Variants in FRYL observed in about 807,000 individuals in gnomAD.
FRYL encodes protein furry homolog-like.
In FRYL, 150 loss-of-function variants were observed where a neutral mutation model predicts 351.2. The ratio of observed to expected loss-of-function variants is 0.43; its 90% CI spans 0.37 to 0.49. FRYL has a LOEUF of 0.49. Among genes scored for constraint, FRYL ranks in the 20% least tolerant of loss-of-function variants. The pLI, the probability that FRYL is intolerant of heterozygous loss-of-function variation, is 0.00. For synonymous variants in FRYL, 1,153 were observed against 1,257.1 expected (o/e 0.92, Z 1.75); for missense variants, 3,036 against 3,619.3 (o/e 0.84, Z 4.13).
At chr4:48,778,838 C>G (rs1337611500) in intron 1 of FRYL, among the ~76,000 whole-genome samples, 6 of 151,982 alleles carry the variant, frequency 3.9e-5, no homozygotes, top group Non-Finnish European at 7.4e-5. Context: ...TTTTCCCCCC[C>G]AATCCGACAG....
intron 1 of FRYL, among the ~76,000 whole-genome samples, chr4:48,716,481 T>G (rs964913431): frequency 6.6e-6 from 1 of 151,566 alleles, no homozygotes; most frequent in Non-Finnish European, 1.5e-5. Context: ...GAACAGACAC[T>G]TCTCAAAAGA....
chr4:48,754,250 T>G (rs1352189316), intron 1 of FRYL, among the ~76,000 whole-genome samples: 4 of 152,228 alleles, frequency 2.6e-5, no homozygotes, highest in Non-Finnish European at 1.5e-5. Context: ...TGTGGATACT[T>G]CATATCAATG....
At chr4:48,594,819 G>A (rs1283223587) in intron 15 of FRYL, among the ~76,000 whole-genome samples, 3 of 152,146 alleles carry the variant, frequency 2.0e-5, no homozygotes, top group African/African-American at 7.2e-5. Context: ...CTCCAAGATG[G>A]ATGTCCCAAA....
chr4:48,659,313 G>A (rs1421857156), intron 3 of FRYL, among the ~76,000 whole-genome samples: 3 of 148,812 alleles, frequency 2.0e-5, no homozygotes, highest in Non-Finnish European at 4.4e-5. Context: ...ATCGCATCAC[G>A]GCACTCCAGT....
chr4:48,548,849 G>C, intron 39 of FRYL, 56 bp from the exon 40 acceptor site: 2 of 995,418 alleles, frequency 2.0e-6, no homozygotes, highest in Non-Finnish European at 3.0e-6. Flanking sequence ...AACCTAGAGA[G>C]AATTTGGTAC....
chr4:48,729,312 G>A (rs192726798), intron 1 of FRYL, among the ~76,000 whole-genome samples: 6 of 152,350 alleles, frequency 3.9e-5, no homozygotes, highest in East Asian at 1.9e-4. Flanking sequence ...GACAGGCCAC[G>A]TCTGAATAAA....
chr4:48,512,334 C>G, intron 57 of FRYL, 147 bp downstream of exon 57: 1 of 603,120 alleles, frequency 1.7e-6, no homozygotes, highest in Non-Finnish European at 3.0e-6. Flanking sequence ...GTCACAGTGT[C>G]AATGTAAGTA....
Position 48,670,433 on chromosome 4 carries a change from G to A in FRYL, c.-81+14240C>T, listed in dbSNP as rs1334112841. The stretch of plus-strand genomic sequence containing the variant: ...GGGTGACAGAGTGAGACTCCATCTC[G>A]AAATATATATATACATATACATATA... On this transcript the variant is annotated intron_variant, in intron 3 of 63. Coordinates refer to ENST00000358350, the MANE Select transcript of FRYL (RefSeq NM_015030.2). 4.0e-5 allele frequency among the ~76,000 whole-genome samples: 6 copies of A among 150,142 alleles called. No individual in the cohort carries two copies. The South Asian group carries it at 6.3e-4, about 16-fold the overall frequency.
intron 1 of FRYL, among the ~76,000 whole-genome samples, chr4:48,711,957 G>A (rs1029313196): frequency 3.9e-5 from 6 of 152,210 alleles, no homozygotes; most frequent in Non-Finnish European, 2.9e-5. Flanking sequence ...CAGGCAAACA[G>A]GGTCTGGAGT....
At chr4:48,629,129 T>C (rs1448855713) in intron 4 of FRYL, among the ~76,000 whole-genome samples, 2 of 151,804 alleles carry the variant, frequency 1.3e-5, no homozygotes, top group African/African-American at 4.8e-5. Context: ...CTATATTTTA[T>C]AATTTAATTC....
rs748505281 is a variant in FRYL, at chr4:48,570,913, C to A, written c.2910G>T (p.Met970Ile). ...AAATGTCTCGACGCCTGCGCCGTTT[C>A]ATATTCTATTCCAAAGATACAAACA... The part of the protein sequence containing the change: ...KEALERRPEN[M>I]KRRRRRDILR... Residue 970 changes from methionine (M) to isoleucine (I), a missense_variant, in exon 27 of 64, where the codon ATG (methionine) becomes ATT (isoleucine). Physicochemically the swap from Met to Ile is conservative, Grantham distance 10. This residue lies in a region of FRYL where 492 missense variants were observed against 551.5 expected (regional missense o/e 0.89). Transcript: ENST00000358350. 6.2e-7 allele frequency: 1 copy of A among 1,611,708 alleles called. No homozygotes were observed. The highest frequency in any genetic ancestry group is 8.5e-7 in the Non-Finnish European group (1 of 1,177,976).
chr4:48,531,795 A>C (rs1298021184), intron 49 of FRYL, among the ~76,000 whole-genome samples: 2 of 152,218 alleles, frequency 1.3e-5, no homozygotes, highest in Non-Finnish European at 2.9e-5. Context: ...TTTAGACATA[A>C]AAATATTAAA....
In FRYL at chr4:48,498,361, G is replaced by T. The variant is rs751932165; in HGVS notation, c.*1061C>A. ...CATCAATGACCACAATTTTTCTTTA[G>T]CTTTGTACACCTATTCTTGTATAAC... On this transcript the variant is annotated 3_prime_UTR_variant, in exon 64 of 64. Transcript: ENST00000358350. 2.6e-5 allele frequency: 4 copies of T among 152,194 alleles called. No individual in the cohort carries two copies. The highest frequency in any genetic ancestry group is 5.9e-5 in the Non-Finnish European group (4 of 68,026). 9.4% of individuals were successfully genotyped at this position (152,194 alleles called of 1,614,324 possible).
intron 4 of FRYL, among the ~76,000 whole-genome samples, chr4:48,632,312 G>A (rs924718914): frequency 2.0e-5 from 3 of 149,562 alleles, no homozygotes; most frequent in African/African-American, 7.3e-5. Context: ...ATAATCTTTA[G>A]TTTTATATAT....
chr4:48,530,693 T>C (rs1727365351), intron 50 of FRYL, among the ~76,000 whole-genome samples: 1 of 152,176 alleles, frequency 6.6e-6, no homozygotes, highest in African/African-American at 2.4e-5. Flanking sequence ...TTTCTCACGC[T>C]TACAAGCCTT....
intron 27 of FRYL, among the ~76,000 whole-genome samples, 155 bp downstream of exon 27, chr4:48,570,672 A>T (rs191445341): frequency 1.3e-5 from 2 of 152,310 alleles, no homozygotes; most frequent in Admixed American, 6.5e-5. Context: ...CAGTGTATCG[A>T]ATGCATATTT....
intron 1 of FRYL, among the ~76,000 whole-genome samples, chr4:48,772,776 G>A (rs1473192110): frequency 6.6e-6 from 1 of 150,990 alleles, no homozygotes; most frequent in Non-Finnish European, 1.5e-5. Context: ...AAGAACACGT[G>A]AGTGGTTTAT....
chr4:48,531,093 A>T, intron 50 of FRYL, 63 bp downstream of exon 50: 1 of 1,065,466 alleles, frequency 9.4e-7, no homozygotes, highest in South Asian at 1.4e-5. Context: ...AAATCAAAGA[A>T]TGAATAAATA....
rs1747470083 is a variant in FRYL at position 48,609,073 on chromosome 4, A to G, written c.492-6T>C. 6.5e-7 allele frequency: 1 copy of G among 1,541,730 alleles called. No individual in the cohort carries two copies. The highest frequency in any genetic ancestry group is 1.4e-5 in the African/African-American group (1 of 73,396). On this transcript the variant is annotated splice_region_variant and splice_polypyrimidine_tract_variant and intron_variant, in intron 8 of 63. Transcript: ENST00000358350. Reference sequence around the variant, plus strand: ...CAGTGTTGGTTCCTGAATATCTAAAATAACAAAAGAACAAACATAACATTT... The same window carrying G: ...CAGTGTTGGTTCCTGAATATCTAAAGTAACAAAAGAACAAACATAACATTT...
Sources: gnomAD v4.1 joint callset for allele counts (sites outside exome capture counted in the v4.1 genomes callset) on GRCh38, gnomAD v4.1.1 for gene constraint, gnomAD v4.1.1 regional missense constraint, MANE v1.5 for transcripts, NCBI Gene and HGNC (gene_info 2026-07-23, HGNC 2026-07-21) for gene names.